Variants in SCN4B observed in about 807,000 individuals in gnomAD.
SCN4B encodes sodium channel regulatory subunit beta-4.
Under a neutral mutation model 19.6 loss-of-function variants are expected in SCN4B, and 20 were observed. That is an observed-to-expected ratio of 1.02 (90% CI 0.72 to 1.48). SCN4B has a LOEUF of 1.48. SCN4B is among the 40% of genes most tolerant of loss of function. The pLI is 0.00. For missense variants in SCN4B, 271 were observed against 287.5 expected (o/e 0.94, Z 0.42); for synonymous variants, 127 against 122.8 (o/e 1.03, Z -0.22).
At position 118,136,506 on chromosome 11, in the gene SCN4B, C is replaced by G; in HGVS notation, c.*521G>C. ...GTGGGGGATCTGGTATCCTATGAAG[C>G]AGAGGCAGTCTCTCACTGTGGGCCT... On this transcript the variant is annotated 3_prime_UTR_variant, in exon 5 of 5. Coordinates refer to ENST00000324727, the MANE Select transcript of SCN4B (RefSeq NM_174934.4). The G allele has an allele frequency of 2.2e-6, 1 of 453,936 alleles. No homozygotes were observed. Among genetic ancestry groups the G allele is most frequent in the South Asian group, 1.6e-5 (1 of 64,470 alleles). The allele number at this position is 453,936 out of a possible 1,614,324, so 28.1% of individuals were successfully genotyped here.
chr11:118,144,210 A>G (rs111855229), intron 2 of SCN4B, 149 bp from the exon 3 acceptor site: 18 of 645,134 alleles, frequency 2.8e-5, no homozygotes, highest in Middle Eastern at 3.8e-4. Context: ...CCTTCCCCCC[A>G]TGGTTTCCTC....
At position 118,134,985 on chromosome 11, in the gene SCN4B, C is replaced by G. The variant is rs766373736; in HGVS notation, c.*2042G>C. The G allele has an allele frequency of 2.0e-5, 9 of 454,006 alleles. No homozygotes were observed. The highest frequency in any genetic ancestry group is 1.2e-4 in the South Asian group (8 of 64,482). The allele number at this position is 454,006 out of a possible 1,614,324, so 28.1% of individuals were successfully genotyped here. ...AGAGAGGATGGTGCCCTTCTTCTCCCTACTCTACGTGCCTTGGCTTTCTCT... is the reference window on the plus strand; with the variant it reads ...AGAGAGGATGGTGCCCTTCTTCTCCGTACTCTACGTGCCTTGGCTTTCTCT... On this transcript the variant is annotated 3_prime_UTR_variant, in exon 5 of 5. Transcript: ENST00000324727.
At chr11:118,140,824 T>A (rs1483764981) in intron 4 of SCN4B, among the ~76,000 whole-genome samples, 1 of 152,076 alleles carries the variant, frequency 6.6e-6, no homozygotes, top group East Asian at 1.9e-4. Context: ...CATTTTAGAG[T>A]CTCTGTACAT....
chr11:118,141,905 CCA>C (rs1204471941), intron 3 of SCN4B: 1 of 159,932 alleles, frequency 6.3e-6, no homozygotes, highest in African/African-American at 2.4e-5. Context: ...CCTGCTCCAC[CCA>C]CAGTCTTCCT....
At position 118,149,292 on chromosome 11, in the gene SCN4B, C is replaced by T. The variant is rs112043893; in HGVS notation, c.61+3321G>A. ...CCAGGATGCGGGGAGGAAAGAGGGG[C>T]AGGCTGGTACCCACTCTAAATATAG... On this transcript the variant is annotated intron_variant, in intron 1 of 4. Coordinates refer to ENST00000324727, the MANE Select transcript of SCN4B (RefSeq NM_174934.4). Among the ~76,000 whole-genome samples the T allele has an allele frequency of 2.1e-3, 322 of 152,314 alleles. 3 individuals carry two copies. The highest frequency in any genetic ancestry group is 7.7e-3 in the African/African-American group (320 of 41,580).
rs1156261052 is a variant in SCN4B, at chr11:118,148,375, G to A, written c.62-3146C>T. Among the ~76,000 whole-genome samples the A allele has an allele frequency of 6.6e-6, 1 of 152,200 alleles. No homozygotes were observed. Among genetic ancestry groups the A allele is most frequent in the Admixed American group, 6.5e-5 (1 of 15,282 alleles). On this transcript the variant is annotated intron_variant, in intron 1 of 4. Coordinates refer to ENST00000324727, the MANE Select transcript of SCN4B (RefSeq NM_174934.4). This position sits in a 1 kb window ranked among gnomAD's most constrained non-coding sequence, Gnocchi z 4.0. ...TATGAGGCTGCTCTGGGGGAGAGGG[G>A]GGAACCAGGGGCAGGTGTTGGTCCA...
intron 1 of SCN4B, among the ~76,000 whole-genome samples, chr11:118,147,056 G>A (rs1948186368): frequency 6.6e-6 from 1 of 152,242 alleles, no homozygotes; most frequent in Admixed American, 6.5e-5. Flanking sequence ...AGCCCCTGGA[G>A]TTCTGATTCA....
At chr11:118,139,645 A>G (rs1312368449) in intron 4 of SCN4B, among the ~76,000 whole-genome samples, 1 of 152,244 alleles carries the variant, frequency 6.6e-6, no homozygotes, top group Non-Finnish European at 1.5e-5. Context: ...TAAGCTTTGA[A>G]GCCAAATTAG....
Position 118,135,460 on chromosome 11 carries a change from A to C in SCN4B, c.*1567T>G. The C allele has an allele frequency of 2.2e-6, 1 of 454,086 alleles. No homozygotes were observed. The highest frequency in any genetic ancestry group is 4.4e-6 in the Non-Finnish European group (1 of 226,788). The allele number at this position is 454,086 out of a possible 1,614,324, so 28.1% of individuals were successfully genotyped here. On this transcript the variant is annotated 3_prime_UTR_variant, in exon 5 of 5. Transcript: ENST00000324727. ...GCATCAAAAAATCAGTAAGGGAGAG[A>C]GGGATTGGAAGTAGATGGGCAGAGA...
In SCN4B at chr11:118,135,537, C is replaced by A. The variant is rs910214980; in HGVS notation, c.*1490G>T. On this transcript the variant is annotated 3_prime_UTR_variant, in exon 5 of 5. Coordinates refer to ENST00000324727, the MANE Select transcript of SCN4B (RefSeq NM_174934.4). ...CCCTGGCCTCACCAATTCTGCCCAA[C>A]AAGGACTCAGGAGATCCCACTCCCA... 1 of 453,994 alleles carries A rather than the reference C, an allele frequency of 2.2e-6. No homozygotes were observed. The highest frequency in any genetic ancestry group is 2.3e-5 in the Admixed American group (1 of 42,564). The allele number at this position is 453,994 out of a possible 1,614,324, so 28.1% of individuals were successfully genotyped here.
chr11:118,141,101 G>T, intron 4 of SCN4B, 106 bp downstream of exon 4: 1 of 1,279,714 alleles, frequency 7.8e-7, no homozygotes, highest in African/African-American at 1.5e-5. Flanking sequence ...GGTAGGAATG[G>T]GAATGGGGGG....
At chr11:118,138,984 C>A (rs1042616995) in intron 4 of SCN4B, among the ~76,000 whole-genome samples, 2 of 152,106 alleles carry the variant, frequency 1.3e-5, no homozygotes, top group East Asian at 3.9e-4. Context: ...TACGGTCTGT[C>A]CCCTGCCCCC....
chr11:118,149,587 C>G (rs1180024200), intron 1 of SCN4B, among the ~76,000 whole-genome samples: 3 of 152,184 alleles, frequency 2.0e-5, no homozygotes, highest in African/African-American at 7.2e-5. Flanking sequence ...TCCTGCCCAT[C>G]CCCAGGAGCT....
Position 118,145,189 on chromosome 11 carries a change from A to T in SCN4B, c.102T>A (p.Ser34=). 1.2e-6 allele frequency: 2 copies of T among 1,613,682 alleles called. No homozygotes were observed. Among genetic ancestry groups the T allele is most frequent in the Non-Finnish European group, 1.7e-6 (2 of 1,179,856 alleles). The change falls in exon 2 of 5, where the codon TCT becomes TCA. Residue 34 remains serine (S), a synonymous_variant. Transcript: ENST00000324727. ...CGTAGATGTCGGTGGCCTTTCCCAC[A>T]GACACCTCCAGCGACAGGGTTACGG... The part of the protein sequence containing the change: ...LLPVTLSLEV[S]VGKATDIYAV...
At position 118,133,584 on chromosome 11, in the gene SCN4B, A is replaced by G; in HGVS notation, c.*3443T>C. The G allele has an allele frequency of 2.2e-6, 1 of 454,566 alleles. No homozygotes were observed. The highest frequency in any genetic ancestry group is 4.4e-6 in the Non-Finnish European group (1 of 226,802). The allele number at this position is 454,566 out of a possible 1,614,324, so 28.2% of individuals were successfully genotyped here. A position where few individuals can be genotyped will look rare whatever the true frequency, so the allele number is the denominator to read the frequency against. ...GTTGCATCATTTGATCTATAGTTAC[A>G]TAGGAAAATTGACTATGGGTATTGT... is the stretch of plus-strand genomic sequence containing the variant. On this transcript the variant is annotated 3_prime_UTR_variant, in exon 5 of 5. Transcript: ENST00000324727.
At chr11:118,151,072 C>T (rs1169397919) in intron 1 of SCN4B, among the ~76,000 whole-genome samples, 1 of 152,092 alleles carries the variant, frequency 6.6e-6, no homozygotes, top group African/African-American at 2.4e-5. Context: ...GTGGGGCTTC[C>T]ACCTGGAGCA....
rs946169910 is a variant in SCN4B at position 118,152,634 on chromosome 11, A to C, written c.40T>G (p.Trp14Gly). 9.9e-6 allele frequency: 16 copies of C among 1,612,566 alleles called. No individual in the cohort carries two copies. The highest frequency in any genetic ancestry group is 1.4e-5 in the Non-Finnish European group (16 of 1,179,334). ...TTACCCAAAAGCCCAGTGCCCAGCC[A>C]TCTCGCCGGGGCTTTGCCTCCGTCC... ...AGDGGKAPAR[W>G]LGTGLLGLFL... Residue 14 changes from tryptophan (W) to glycine (G), a missense_variant, in exon 1 of 5, where the codon TGG (tryptophan) becomes GGG (glycine). Transcript: ENST00000324727.
chr11:118,136,328 C>T lies in SCN4B; in HGVS notation c.*699G>A, dbSNP rs1361757013. On this transcript the variant is annotated 3_prime_UTR_variant, in exon 5 of 5. Coordinates refer to ENST00000324727, the MANE Select transcript of SCN4B (RefSeq NM_174934.4). ...GGCCCCTTCCTGAGCCCCTCAGTAA[C>T]CCAGAGAGCAGAGGAGCAGGCTAGG... 1 of 453,864 alleles carries T rather than the reference C, an allele frequency of 2.2e-6. No homozygotes were observed. The allele number at this position is 453,864 out of a possible 1,614,324, so 28.1% of individuals were successfully genotyped here.
intron 1 of SCN4B, among the ~76,000 whole-genome samples, chr11:118,146,586 C>G (rs970496150): frequency 6.6e-6 from 1 of 152,236 alleles, no homozygotes; most frequent in African/African-American, 2.4e-5. Flanking sequence ...TCTCCAAGGA[C>G]AGCAGGCAGC....
Sources: gnomAD v4.1 joint callset for allele counts (sites outside exome capture counted in the v4.1 genomes callset) on GRCh38, gnomAD v4.1.1 for gene constraint, Gnocchi (gnomAD v3.1) non-coding constraint, MANE v1.5 for transcripts, NCBI Gene and HGNC (gene_info 2026-07-23, HGNC 2026-07-21) for gene names.